CEP350: variants seen among roughly 807,000 people sequenced by gnomAD.
CEP350 encodes the protein centrosome-associated protein 350.
CEP350 carries 126 observed loss-of-function variants against 331.8 expected under a neutral mutation model. The ratio of observed to expected loss-of-function variants is 0.38; its 90% CI spans 0.33 to 0.44. The LOEUF is 0.44. CEP350 is among the 20% of genes least tolerant of loss of function. The pLI is 1.00. For synonymous variants in CEP350, 1,200 were observed against 1,259.5 expected (o/e 0.95, Z 1.00); for missense variants, 3,406 against 3,634.6 (o/e 0.94, Z 1.62).
rs375989028 is a variant in CEP350 at position 180,092,749 on chromosome 1, T to C, written c.6644T>C (p.Ile2215Thr). The C allele has an allele frequency of 1.2e-6, 2 of 1,601,680 alleles. No homozygotes were observed. Among genetic ancestry groups the C allele is most frequent in the African/African-American group, 2.7e-5 (2 of 74,754 alleles). Residue 2215 changes from isoleucine (I) to threonine (T), a missense_variant, in exon 34 of 38, where the codon ATC (isoleucine) becomes ACC (threonine). This residue lies in a region of CEP350 where 1,415 missense variants were observed against 1,512.3 expected (regional missense o/e 0.94). Transcript: ENST00000367607. ...PSPVLRSSRKIREESGDSLEN... is the reference protein window; with the variant it reads ...PSPVLRSSRKTREESGDSLEN... Reference sequence around the variant, plus strand: ...CCAGTTCTCAGATCATCAAGGAAAATCAGAGAAGAATCTGGAGATTCTCTA... The same window carrying C: ...CCAGTTCTCAGATCATCAAGGAAAACCAGAGAAGAATCTGGAGATTCTCTA...
Position 180,094,138 on chromosome 1 carries a change from C to T in CEP350, c.8033C>T (p.Ser2678Phe), listed in dbSNP as rs373984589. The T allele has an allele frequency of 3.1e-6, 5 of 1,613,610 alleles. No homozygotes were observed. In the Admixed American group the frequency reaches 6.7e-5, roughly 22 times the overall value. Reference sequence around the variant, plus strand: ...ATTTCTGATGCCACAGAAAAGGTTTCCATCGCTGCAGAAGATGACACTTTA... The same window carrying T: ...ATTTCTGATGCCACAGAAAAGGTTTTCATCGCTGCAGAAGATGACACTTTA... ...DLISDATEKV[S>F]IAAEDDTLDN... Residue 2678 changes from serine (S) to phenylalanine (F), a missense_variant, in exon 34 of 38, where the codon TCC becomes TTC. Ser to Phe is a radical substitution (Grantham distance 155). Transcript: ENST00000367607.
At chr1:179,968,400 T>C (rs1269560289) in intron 1 of CEP350, among the ~76,000 whole-genome samples, 4 of 151,654 alleles carry the variant, frequency 2.6e-5, no homozygotes, top group Non-Finnish European at 5.9e-5. Flanking sequence ...GAGACAGATA[T>C]GTAAATAATA....
chr1:180,109,564 G>T (rs1409851583), intron 37 of CEP350, among the ~76,000 whole-genome samples: 1 of 152,076 alleles, frequency 6.6e-6, no homozygotes, highest in African/African-American at 2.4e-5. Context: ...TGAGATCAGG[G>T]TTCACTTCCT....
At chr1:180,078,121 G>A (rs938731229) in intron 28 of CEP350, among the ~76,000 whole-genome samples, 42 of 151,622 alleles carry the variant, frequency 2.8e-4, no homozygotes, top group Admixed American at 2.4e-3. Context: ...CAACAAGAAC[G>A]GGATGCCATC....
rs554683201 is a variant in CEP350 at position 179,955,793 on chromosome 1, A to T, written c.-14+651A>T. Among the ~76,000 whole-genome samples the T allele has an allele frequency of 2.1e-3, 326 of 152,386 alleles. 2 individuals are homozygous for T. Among genetic ancestry groups the T allele is most frequent in the African/African-American group, 7.4e-3 (308 of 41,594 alleles). ...CAGATAGAAAGTTGCACATAGGCATAGATTTTAATGTTTTAATGCAGTAGC... is the reference window on the plus strand; with the variant it reads ...CAGATAGAAAGTTGCACATAGGCATTGATTTTAATGTTTTAATGCAGTAGC... On this transcript the variant is annotated intron_variant, in intron 1 of 37. Coordinates refer to ENST00000367607, the MANE Select transcript of CEP350 (RefSeq NM_014810.5).
intron 10 of CEP350, 100 bp from the exon 11 acceptor site, chr1:180,015,749 G>T (rs1654932740): frequency 2.3e-6 from 3 of 1,314,072 alleles, no homozygotes; most frequent in Non-Finnish European, 3.0e-6. Context: ...TACATTTTAT[G>T]ATCTTTGTAG....
intron 16 of CEP350, among the ~76,000 whole-genome samples, 187 bp downstream of exon 16, chr1:180,034,269 C>CT (rs1419945690): frequency 6.6e-6 from 1 of 152,130 alleles, no homozygotes; most frequent in African/African-American, 2.4e-5. Flanking sequence ...GTAATGTTGA[C>CT]TTTTTTCCCA....
At chr1:180,079,145 A>T (rs1017120590) in intron 29 of CEP350, among the ~76,000 whole-genome samples, 2 of 151,810 alleles carry the variant, frequency 1.3e-5, no homozygotes, top group African/African-American at 4.8e-5. Flanking sequence ...TTAAACTAAG[A>T]TTTTCTACAT....
intron 1 of CEP350, among the ~76,000 whole-genome samples, chr1:179,960,358 A>G (rs1376028309): frequency 1.3e-5 from 2 of 152,208 alleles, no homozygotes; most frequent in African/African-American, 4.8e-5. Flanking sequence ...TGGTGGGGAA[A>G]TCAAAATTTT....
chr1:180,010,492 C>T lies in CEP350; in HGVS notation c.1247-1437C>T, dbSNP rs1654564061. 2.0e-5 allele frequency among the ~76,000 whole-genome samples: 3 copies of T among 150,486 alleles called. No homozygotes were observed. In the East Asian group the frequency reaches 5.9e-4, roughly 29 times the overall value. Reference sequence around the variant, plus strand: ...CAGAATGATTTTATTATAATTTTACCAGCATTGACTATTAATGTAAAAATG... The same window carrying T: ...CAGAATGATTTTATTATAATTTTACTAGCATTGACTATTAATGTAAAAATG... On this transcript the variant is annotated intron_variant, in intron 8 of 37. Transcript: ENST00000367607.
At chr1:180,022,275 TTTC>T (rs769337322) in intron 12 of CEP350, among the ~76,000 whole-genome samples, 1 of 150,064 alleles carries the variant, frequency 6.7e-6, no homozygotes, top group Admixed American at 6.6e-5. Flanking sequence ...AAGAAAATTG[TTTC>T]TTCTTAAATT....
intron 14 of CEP350, among the ~76,000 whole-genome samples, chr1:180,025,229 A>T (rs2148853638): frequency 6.6e-6 from 1 of 152,322 alleles, no homozygotes; most frequent in Admixed American, 6.5e-5. Context: ...AATGTAAATA[A>T]TTGCTTTGCA....
In CEP350 at chr1:180,112,337, C is replaced by A. The variant is rs1558168727; in HGVS notation, c.*1176C>A. The A allele has an allele frequency of 6.6e-6, 1 of 152,542 alleles. No homozygotes were observed. Among genetic ancestry groups the A allele is most frequent in the Non-Finnish European group, 1.5e-5 (1 of 68,042 alleles). 9.4% of individuals were successfully genotyped at this position (152,542 alleles called of 1,614,324 possible). On this transcript the variant is annotated 3_prime_UTR_variant, in exon 38 of 38. Coordinates refer to ENST00000367607, the MANE Select transcript of CEP350 (RefSeq NM_014810.5). ...ACATATTGAAGAAGTCATTTTAATT[C>A]AGTGAAACGAAGATGGGCTTTTCCA...
chr1:179,994,000 T>G (rs1305308370), intron 5 of CEP350, among the ~76,000 whole-genome samples: 2 of 152,216 alleles, frequency 1.3e-5, no homozygotes, highest in Non-Finnish European at 2.9e-5. Context: ...ATCTGCCCAT[T>G]AGTCTATCTA....
chr1:180,070,753 CTTCT>C (rs2149043114), intron 27 of CEP350, among the ~76,000 whole-genome samples: 1 of 152,260 alleles, frequency 6.6e-6, no homozygotes, highest in South Asian at 2.1e-4. Flanking sequence ...GAAACTGATC[CTTCT>C]AAATAGTATT....
rs755372829 is a variant in CEP350 at position 180,011,987 on chromosome 1, G to A, written c.1305G>A (p.Lys435=). 1 of 1,595,792 alleles carries A rather than the reference G, an allele frequency of 6.3e-7. No homozygotes were observed. Among genetic ancestry groups the A allele is most frequent in the Non-Finnish European group, 8.5e-7 (1 of 1,169,872 alleles). ...GAGATGGACAAAAATTAGTAAAGAAGATTCTGGGACCTGCTCCCAGAATGG... is the reference window on the plus strand; with the variant it reads ...GAGATGGACAAAAATTAGTAAAGAAAATTCTGGGACCTGCTCCCAGAATGG... ...SWRDGQKLVK[K]ILGPAPRMEP... is the part of the protein sequence containing the mutation. The change falls in exon 9 of 38, where the codon AAG becomes AAA. Residue 435 remains lysine, a synonymous_variant. Coordinates refer to ENST00000367607, the MANE Select transcript of CEP350 (RefSeq NM_014810.5).
At chr1:180,044,278 A>C in intron 21 of CEP350, 105 bp downstream of exon 21, 1 of 1,170,416 alleles carries the variant, frequency 8.5e-7, no homozygotes, top group Non-Finnish European at 1.1e-6. Flanking sequence ...TAAATAGAAC[A>C]GTGTGTGCCC....
At chr1:180,050,636 C>T (rs1223129042) in intron 22 of CEP350, among the ~76,000 whole-genome samples, 2 of 144,978 alleles carry the variant, frequency 1.4e-5, no homozygotes, top group African/African-American at 5.2e-5. Flanking sequence ...GCACTCCAAC[C>T]TGGGCAACGA....
At chr1:179,965,473 A>G (rs971559952) in intron 1 of CEP350, among the ~76,000 whole-genome samples, 13 of 152,122 alleles carry the variant, frequency 8.5e-5, no homozygotes, top group Non-Finnish European at 1.5e-5. Flanking sequence ...TTCTGTTTCT[A>G]ATGTATATAG....
Sources: gnomAD v4.1 joint callset for allele counts (sites outside exome capture counted in the v4.1 genomes callset) on GRCh38, gnomAD v4.1.1 for gene constraint, gnomAD v4.1.1 regional missense constraint, MANE v1.5 for transcripts, NCBI Gene and HGNC (gene_info 2026-07-23, HGNC 2026-07-21) for gene names.